The following EGFR variants were observed in gnomAD, a reference collection of about 807,000 sequenced individuals.
EGFR encodes the protein avian erythroblastic leukemia viral (v-erb-b) oncogene homolog.
EGFR carries 58 observed loss-of-function variants against 143.0 expected under a neutral mutation model. That is an observed-to-expected ratio of 0.41 (90% CI 0.33 to 0.50). EGFR has a LOEUF of 0.50. Among genes scored for constraint, EGFR ranks in the 20% least tolerant of loss-of-function variants. The pLI, the probability that EGFR is intolerant of heterozygous loss-of-function variation, is 0.39. For missense variants in EGFR, 1,307 were observed against 1,579.0 expected (o/e 0.83, Z 2.92); for synonymous variants, 613 against 594.4 (o/e 1.03, Z -0.45).
intron 27 of EGFR, among the ~76,000 whole-genome samples, chr7:55,204,258 CCACA>C (rs557587968): frequency 7.0e-6 from 1 of 142,256 alleles, no homozygotes; most frequent in African/African-American, 2.6e-5. Context: ...CACATACACA[CCACA>C]CACACACCAC....
At chr7:55,020,079 G>A (rs948932376) in intron 1 of EGFR, among the ~76,000 whole-genome samples, 1 of 152,236 alleles carries the variant, frequency 6.6e-6, no homozygotes, top group Admixed American at 6.5e-5. Flanking sequence ...GCGGCTCCCG[G>A]GGAGGGGTGG....
intron 1 of EGFR, among the ~76,000 whole-genome samples, chr7:55,035,510 T>TAAA (rs35679531): frequency 2.1e-5 from 3 of 139,920 alleles, no homozygotes; most frequent in Admixed American, 7.0e-5. Context: ...CCGTCTTCAC[T>TAAA]AAAAAAAAAA....
chr7:55,203,662 CACACACAT>C (rs534627383), intron 27 of EGFR, among the ~76,000 whole-genome samples: 6,102 of 148,080 alleles, frequency 0.041, 152 homozygotes, highest in South Asian at 0.074. Flanking sequence ...ACACACCACA[CACACACAT>C]ACACACACCA....
At chr7:55,071,063 G>A (rs1488636932) in intron 1 of EGFR, among the ~76,000 whole-genome samples, 1 of 152,222 alleles carries the variant, frequency 6.6e-6, no homozygotes, top group African/African-American at 2.4e-5. Context: ...AGCCCCAGAG[G>A]TGGAACGTTG....
Position 55,072,380 on chromosome 7 carries a change from C to T in EGFR, c.88+53015C>T, listed in dbSNP as rs146751084. On this transcript the variant is annotated intron_variant, in intron 1 of 27. Transcript: ENST00000275493. ...AATGTGGTGCAAATCCCAGCTGTCC[C>T]ACTTACCAGCTGTGGGACTTGAGTA... Among the ~76,000 whole-genome samples, 645 of 152,290 alleles carry T rather than the reference C, an allele frequency of 4.2e-3. 2 individuals are homozygous for T. Among genetic ancestry groups the T allele is most frequent in the Middle Eastern group, 6.8e-3 (2 of 294 alleles).
At chr7:55,175,131 T>C (rs1223582240) in intron 19 of EGFR, among the ~76,000 whole-genome samples, 1 of 152,204 alleles carries the variant, frequency 6.6e-6, no homozygotes, top group Non-Finnish European at 1.5e-5. Flanking sequence ...GGTATTGTTT[T>C]TGGTATTTTT....
rs905879305 is a variant in EGFR, at chr7:55,062,551, A to G, written c.88+43186A>G. On this transcript the variant is annotated intron_variant, in intron 1 of 27. Transcript: ENST00000275493. ...TTCATTGCTGCTCATCTGCATGGAA[A>G]AATGTGCATGGGTTTCTGAATATAA... is the stretch of plus-strand genomic sequence containing the variant. Among the ~76,000 whole-genome samples the G allele has an allele frequency of 3.3e-5, 5 of 152,206 alleles. No individual in the cohort carries two copies. In the South Asian group the frequency reaches 6.2e-4, roughly 19 times the overall value.
intron 1 of EGFR, among the ~76,000 whole-genome samples, chr7:55,121,144 C>G (rs1314925761): frequency 6.6e-6 from 1 of 152,200 alleles, no homozygotes; most frequent in Non-Finnish European, 1.5e-5. Context: ...AGCATGAAAA[C>G]AAGAGCTCCT....
At chr7:55,181,105 A>C in intron 19 of EGFR, 188 bp from the exon 20 acceptor site, 1 of 707,826 alleles carries the variant, frequency 1.4e-6, no homozygotes, top group East Asian at 2.7e-5. Flanking sequence ...CTCCCACTGC[A>C]TCTGTCACTT....
At chr7:55,187,029 G>A (rs1052113396) in intron 20 of EGFR, among the ~76,000 whole-genome samples, 7 of 152,202 alleles carry the variant, frequency 4.6e-5, no homozygotes, top group African/African-American at 1.7e-4. Flanking sequence ...CTCTGTGGGT[G>A]AGAGTTGGCT....
chr7:55,211,540 A>G lies in EGFR; in HGVS notation c.*5923A>G, dbSNP rs553731234. 8 of 152,224 alleles carry G rather than the reference A, an allele frequency of 5.3e-5. No individual in the cohort carries two copies. Among genetic ancestry groups the G allele is most frequent in the Non-Finnish European group, 1.2e-4 (8 of 68,032 alleles). 9.4% of individuals were successfully genotyped at this position (152,224 alleles called of 1,614,324 possible). On this transcript the variant is annotated 3_prime_UTR_variant, in exon 28 of 28. Transcript: ENST00000275493. Reference sequence around the variant, plus strand: ...TGTTGATCAGAAATGTTGATTGTGCATTGAGTATTAAAAAATTAGATGTAT... The same window carrying G: ...TGTTGATCAGAAATGTTGATTGTGCGTTGAGTATTAAAAAATTAGATGTAT...
At position 55,210,044 on chromosome 7, in the gene EGFR, C is replaced by G. The variant is rs1292674621; in HGVS notation, c.*4427C>G. 2 of 152,064 alleles carry G rather than the reference C, an allele frequency of 1.3e-5. No homozygotes were observed. The allele number at this position is 152,064 out of a possible 1,614,324, so 9.4% of individuals were successfully genotyped here. ...GGAAATTTTAAAAGATGATGGAAAG[C>G]ACATTTAGCTTGGTCTGAGGCAGGT... is the stretch of plus-strand genomic sequence containing the variant. On this transcript the variant is annotated 3_prime_UTR_variant, in exon 28 of 28. Coordinates refer to ENST00000275493, the MANE Select transcript of EGFR (RefSeq NM_005228.5).
chr7:55,039,305 A>T (rs1425189538), intron 1 of EGFR, among the ~76,000 whole-genome samples: 1 of 152,186 alleles, frequency 6.6e-6, no homozygotes, highest in Admixed American at 6.5e-5. Flanking sequence ...TAAACTAAGG[A>T]TTCTAAGTTC....
At chr7:55,037,098 C>T (rs1787628475) in intron 1 of EGFR, among the ~76,000 whole-genome samples, 1 of 152,242 alleles carries the variant, frequency 6.6e-6, no homozygotes, top group Admixed American at 6.5e-5. Context: ...CTGATCCTTA[C>T]ACTAATTGTA....
intron 10 of EGFR, chr7:55,157,040 G>A: frequency 4.7e-6 from 6 of 1,280,596 alleles, no homozygotes; most frequent in Non-Finnish European, 6.3e-6. Context: ...CATTCACTGC[G>A]GTGTAAACAC....
At chr7:55,123,628 T>G (rs1461433908) in intron 1 of EGFR, among the ~76,000 whole-genome samples, 1 of 152,118 alleles carries the variant, frequency 6.6e-6, no homozygotes, top group African/African-American at 2.4e-5. Context: ...ATTTATCATA[T>G]GCCTTATTGC....
intron 1 of EGFR, among the ~76,000 whole-genome samples, chr7:55,138,184 T>C (rs2128923947): frequency 6.6e-6 from 1 of 152,356 alleles, no homozygotes; most frequent in Admixed American, 6.5e-5. Context: ...TTTCAGCTTT[T>C]CTATACATTT....
At chr7:55,124,154 C>T (rs1476035503) in intron 1 of EGFR, among the ~76,000 whole-genome samples, 1 of 152,174 alleles carries the variant, frequency 6.6e-6, no homozygotes, top group Non-Finnish European at 1.5e-5. Flanking sequence ...CCCTATCAGT[C>T]ATGGTTTTAA....
At position 55,089,352 on chromosome 7, in the gene EGFR, A is replaced by G. The variant is rs1032759923; in HGVS notation, c.89-52934A>G. Among the ~76,000 whole-genome samples, 5 of 152,186 alleles carry G rather than the reference A, an allele frequency of 3.3e-5. No homozygotes were observed. In the South Asian group the frequency reaches 1.0e-3, roughly 31 times the overall value. On this transcript the variant is annotated intron_variant, in intron 1 of 27. Coordinates refer to ENST00000275493, the MANE Select transcript of EGFR (RefSeq NM_005228.5). ...CTGTGCACGCAAAGGAGGGCTTGCT[A>G]GGGAGGCCTGGCAGAGGGTGCCATT...
Sources: gnomAD v4.1 joint callset for allele counts (sites outside exome capture counted in the v4.1 genomes callset) on GRCh38, gnomAD v4.1.1 for gene constraint, MANE v1.5 for transcripts, NCBI Gene and HGNC (gene_info 2026-07-23, HGNC 2026-07-21) for gene names.